UBE2V2: variants seen among roughly 807,000 people sequenced by gnomAD.
UBE2V2 encodes ubiquitin-conjugating enzyme E2 variant 2.
Under a neutral mutation model 17.2 loss-of-function variants are expected in UBE2V2, and 9 were observed. The observed-to-expected ratio is 0.52, with a 90% confidence interval of 0.32 to 0.91. The LOEUF is 0.91. UBE2V2 is among the 40% of genes least tolerant of loss of function. UBE2V2 has a pLI of 0.04. For missense variants in UBE2V2, 133 were observed against 182.6 expected, an observed-to-expected ratio of 0.73 and a Z score of 1.56; for synonymous variants, 61 against 57.5, an observed-to-expected ratio of 1.06 and a Z score of -0.28.
In UBE2V2 at chr8:48,062,417, C is replaced by T. The variant is rs973015462; in HGVS notation, c.*1589C>T. ...GACCAGCCTGGCCAACATGATGAAA[C>T]CCTGTCTCTACTAAAAATACAAAAA... is the stretch of plus-strand genomic sequence containing the variant. On this transcript the variant is annotated 3_prime_UTR_variant, in exon 4 of 4. Transcript: ENST00000523111. 11 of 151,966 alleles carry T rather than the reference C, an allele frequency of 7.2e-5. No homozygotes were observed. The highest frequency in any genetic ancestry group is 1.5e-4 in the Non-Finnish European group (10 of 68,046). The allele number at this position is 151,966 out of a possible 1,614,324, so 9.4% of individuals were successfully genotyped here. A position where few individuals can be genotyped will look rare whatever the true frequency, so the allele number is the denominator to read the frequency against.
intron 3 of UBE2V2, among the ~76,000 whole-genome samples, chr8:48,055,541 T>C (rs2091566518): frequency 6.6e-6 from 1 of 152,106 alleles, no homozygotes; most frequent in South Asian, 2.1e-4. Context: ...TTATTTTTCT[T>C]TTCTACTTTC....
intron 1 of UBE2V2, among the ~76,000 whole-genome samples, chr8:48,026,235 C>T (rs772659685): frequency 6.6e-5 from 10 of 151,950 alleles, no homozygotes; most frequent in Admixed American, 3.9e-4. Context: ...CTATGTAACC[C>T]GGGCTTCTTA....
upstream of UBE2V2, among the ~76,000 whole-genome samples, chr8:48,006,783 T>C (rs1331885944): frequency 6.6e-6 from 1 of 152,180 alleles, no homozygotes; most frequent in Admixed American, 6.6e-5. Context: ...ATTGATGGAA[T>C]GTATCTCAAA....
chr8:48,038,041 A>G (rs1256195392), intron 1 of UBE2V2, among the ~76,000 whole-genome samples: 1 of 152,028 alleles, frequency 6.6e-6, no homozygotes, highest in East Asian at 1.9e-4. Flanking sequence ...ATTGCCCAGC[A>G]TTCTCTCTCT....
chr8:48,052,034 C>T (rs140582078), intron 3 of UBE2V2, among the ~76,000 whole-genome samples: 1 of 152,184 alleles, frequency 6.6e-6, no homozygotes, highest in Non-Finnish European at 1.5e-5. Flanking sequence ...TTAAACAGAT[C>T]ATCTTATTTG....
At chr8:48,026,233 C>G (rs1370570798) in intron 1 of UBE2V2, among the ~76,000 whole-genome samples, 1 of 151,934 alleles carries the variant, frequency 6.6e-6, no homozygotes, top group African/African-American at 2.4e-5. Context: ...AGCTATGTAA[C>G]CCGGGCTTCT....
At chr8:48,037,177 C>T (rs1204246062) in intron 1 of UBE2V2, among the ~76,000 whole-genome samples, 1 of 152,216 alleles carries the variant, frequency 6.6e-6, no homozygotes, top group African/African-American at 2.4e-5. Context: ...AAGACTCTGT[C>T]TCAGAAAAAT....
chr8:48,046,958 G>A (rs999604410), intron 2 of UBE2V2, among the ~76,000 whole-genome samples: 1 of 106,938 alleles, frequency 9.4e-6, no homozygotes, highest in African/African-American at 3.5e-5. Context: ...TTTTTTTTTT[G>A]AGATGGAGCT....
upstream of UBE2V2, among the ~76,000 whole-genome samples, chr8:48,005,754 T>C (rs1036731334): frequency 6.6e-6 from 1 of 152,244 alleles, no homozygotes; most frequent in African/African-American, 2.4e-5. Context: ...TTGATTTGCA[T>C]TTCCCTAATG....
In UBE2V2 at chr8:48,008,456, TGGC is replaced by T; in HGVS notation, c.5_7del (p.Ala2?). 6.4e-7 allele frequency: 1 copy of T among 1,567,558 alleles called. No homozygotes were observed. Among genetic ancestry groups the T allele is most frequent in the Non-Finnish European group, 8.6e-7 (1 of 1,159,184 alleles). ...GGCTGCGTCGGGCTGCAGGAGAAGATGGCGGTCTCCACAGGTCGGTTCCCGGGC... is the reference window on the plus strand; with the variant it reads ...GGCTGCGTCGGGCTGCAGGAGAAGATGGTCTCCACAGGTCGGTTCCCGGGC... On this transcript the variant is annotated start_lost and inframe_deletion, in exon 1 of 4. Transcript: ENST00000523111.
rs1563862590 is a variant in UBE2V2, at chr8:48,061,588, T to A, written c.*760T>A. Reference sequence around the variant, plus strand: ...GTCCTCAGAGACTGTGCCATTTCTATTATGTTGATGTATATGTACAGTACC... The same window carrying A: ...GTCCTCAGAGACTGTGCCATTTCTAATATGTTGATGTATATGTACAGTACC... On this transcript the variant is annotated 3_prime_UTR_variant, in exon 4 of 4. Coordinates refer to ENST00000523111, the MANE Select transcript of UBE2V2 (RefSeq NM_003350.3). The A allele has an allele frequency of 6.6e-6, 1 of 152,618 alleles. No homozygotes were observed. Among genetic ancestry groups the A allele is most frequent in the Non-Finnish European group, 1.5e-5 (1 of 68,022 alleles). 9.5% of individuals were successfully genotyped at this position (152,618 alleles called of 1,614,324 possible).
chr8:48,010,980 C>T (rs1563847294), intron 1 of UBE2V2, among the ~76,000 whole-genome samples: 1 of 146,502 alleles, frequency 6.8e-6, no homozygotes, highest in Non-Finnish European at 1.5e-5. Context: ...ATCCGCCCAC[C>T]TTGGCCTCCC....
intron 3 of UBE2V2, 144 bp from the exon 4 acceptor site, chr8:48,060,538 A>G (rs1802577721): frequency 3.4e-6 from 2 of 586,310 alleles, no homozygotes; most frequent in Non-Finnish European, 5.2e-6. Flanking sequence ...TAATTATGGT[A>G]TTAGTAATTC....
chr8:48,010,427 A>G (rs1445184933), intron 1 of UBE2V2, among the ~76,000 whole-genome samples: 1 of 135,932 alleles, frequency 7.4e-6, no homozygotes, highest in Non-Finnish European at 1.5e-5. Context: ...TTTGAGACGC[A>G]GTCTTGCTCT....
upstream of UBE2V2, chr8:48,008,378 A>G (rs749001777): frequency 5.9e-6 from 9 of 1,533,300 alleles, no homozygotes; most frequent in Non-Finnish European, 8.7e-7. Flanking sequence ...TGACGCGTGC[A>G]GGGCGGCGCG....
rs377715776 is a variant in UBE2V2, at chr8:48,060,731, G to C, written c.341G>C (p.Ser114Thr). The change falls in exon 4 of 4, where the codon AGC (serine) becomes ACC (threonine). Residue 114 changes from serine to threonine, a missense_variant. Ser to Thr is a moderately conservative substitution (Grantham distance 58). This residue lies in a region of UBE2V2 where 92 missense variants were observed against 124.3 expected (regional missense o/e 0.74). Coordinates refer to ENST00000523111, the MANE Select transcript of UBE2V2 (RefSeq NM_003350.3). ...TTAGCAAAATGGCAAAATTCATATA[G>C]CATTAAAGTTGTACTTCAAGAGCTA... ...PVLAKWQNSY[S>T]IKVVLQELRR... The C allele has an allele frequency of 3.2e-6, 5 of 1,561,124 alleles. No individual in the cohort carries two copies. The highest frequency in any genetic ancestry group is 1.4e-5 in the African/African-American group (1 of 72,196).
chr8:48,017,595 A>T (rs2091278228), intron 1 of UBE2V2, among the ~76,000 whole-genome samples: 1 of 151,496 alleles, frequency 6.6e-6, no homozygotes. Context: ...CTGGTAATAA[A>T]CTCCCGACCT....
intron 2 of UBE2V2, among the ~76,000 whole-genome samples, chr8:48,048,998 T>G (rs1254898310): frequency 1.3e-5 from 2 of 152,186 alleles, no homozygotes; most frequent in African/African-American, 4.8e-5. Flanking sequence ...TTTTTTACTT[T>G]GCTGTTTTAA....
intron 2 of UBE2V2, among the ~76,000 whole-genome samples, chr8:48,046,942 CTTTT>C (rs771280050): frequency 7.2e-6 from 1 of 139,792 alleles, no homozygotes; most frequent in Admixed American, 7.2e-5. Flanking sequence ...TAAGGTCCCT[CTTTT>C]TTTTTTTTTT....
Sources: allele counts gnomAD v4.1 joint callset (sites outside exome capture counted in the v4.1 genomes callset), GRCh38; gene constraint gnomAD v4.1.1; regional missense constraint gnomAD v4.1.1; transcripts MANE v1.5; gene names NCBI Gene and HGNC (gene_info 2026-07-23, HGNC 2026-07-21).